The following GREB1 variants were observed in gnomAD, a reference collection of about 807,000 sequenced individuals.
The protein encoded by GREB1 is protein GREB1.
A neutral mutation model predicts 200.7 loss-of-function variants in GREB1; 106 were observed. That is an observed-to-expected ratio of 0.53 (90% CI 0.45 to 0.62). The LOEUF is 0.62. Ranked by LOEUF, GREB1 falls within the 20% of genes least tolerant of loss-of-function variation. The pLI, the probability that GREB1 is intolerant of heterozygous loss-of-function variation, is 0.00. For synonymous variants in GREB1, 1,132 were observed against 1,092.4 expected (o/e 1.04, Z -0.72); for missense variants, 2,243 against 2,556.8 (o/e 0.88, Z 2.65).
At chr2:11,522,232 A>G (rs1673728597) in intron 1 of GREB1, among the ~76,000 whole-genome samples, 1 of 152,132 alleles carries the variant, frequency 6.6e-6, no homozygotes, top group Non-Finnish European at 1.5e-5. Context: ...AGAACAATTA[A>G]ACCCATTTAT....
intron 1 of GREB1, among the ~76,000 whole-genome samples, chr2:11,524,252 G>T (rs1447255503): frequency 1.3e-5 from 2 of 152,222 alleles, no homozygotes; most frequent in Admixed American, 1.3e-4. Context: ...TTGTTCAACA[G>T]TCTGAAGGAG....
At chr2:11,484,565 A>G (rs1672601972) in intron 1 of GREB1, among the ~76,000 whole-genome samples, 1 of 146,088 alleles carries the variant, frequency 6.8e-6, no homozygotes, top group South Asian at 2.2e-4. Context: ...CCTGGGCAAC[A>G]TAGCGAGACT....
chr2:11,598,017 C>T lies in GREB1; in HGVS notation c.2152+39C>T, dbSNP rs780533340. ...TGGGGAGAAGTCACGTGTGGAGAAGCTTTGATCTGCCGAAATCCATGTGTG... is the reference window on the plus strand; with the variant it reads ...TGGGGAGAAGTCACGTGTGGAGAAGTTTTGATCTGCCGAAATCCATGTGTG... On this transcript the variant is annotated intron_variant, in intron 14 of 32. Transcript: ENST00000381486. 151 of 1,469,922 alleles carry T rather than the reference C, an allele frequency of 1.0e-4. 2 individuals carry two copies. In the South Asian group the frequency reaches 1.7e-3, roughly 16 times the overall value. 91.1% of individuals were successfully genotyped at this position (1,469,922 alleles called of 1,614,324 possible).
Position 11,578,424 on chromosome 2 carries a change from G to A in GREB1, c.765G>A (p.Gln255=). 1 of 1,613,792 alleles carries A rather than the reference G, an allele frequency of 6.2e-7. No homozygotes were observed. Among genetic ancestry groups the A allele is most frequent in the Non-Finnish European group, 8.5e-7 (1 of 1,180,014 alleles). ...ACCCCAGCATCCTGATGGGAGCTCAGCAGGCAGGTGAGGTGGTGGAGACAC... is the reference window on the plus strand; with the variant it reads ...ACCCCAGCATCCTGATGGGAGCTCAACAGGCAGGTGAGGTGGTGGAGACAC... The part of the protein sequence containing the change: ...GTNPSILMGA[Q]QAGPASDHPS... The change falls in exon 6 of 33, where the codon CAG becomes CAA. Residue 255 remains glutamine (Q), a synonymous_variant. Coordinates refer to ENST00000381486, the MANE Select transcript of GREB1 (RefSeq NM_014668.4).
At chr2:11,612,385 A>T in intron 18 of GREB1, 110 bp from the exon 19 acceptor site, 1 of 1,452,388 alleles carries the variant, frequency 6.9e-7, no homozygotes, top group Non-Finnish European at 9.2e-7. Flanking sequence ...TGGTCAGAAG[A>T]TATAGTTCAA....
intron 3 of GREB1, among the ~76,000 whole-genome samples, chr2:11,564,019 C>T (rs1409502375): frequency 6.6e-6 from 1 of 152,012 alleles, no homozygotes; most frequent in Non-Finnish European, 1.5e-5. Context: ...AGGATTAGTA[C>T]GAGTCAGCCA....
intron 1 of GREB1, among the ~76,000 whole-genome samples, chr2:11,510,561 T>C (rs939134439): frequency 6.6e-6 from 1 of 152,210 alleles, no homozygotes; most frequent in Non-Finnish European, 1.5e-5. Context: ...ACAGGAAAGG[T>C]GGGAGGAAGG....
chr2:11,612,841 A>T (rs139438871), intron 19 of GREB1, among the ~76,000 whole-genome samples: 98 of 152,302 alleles, frequency 6.4e-4, no homozygotes, highest in Non-Finnish European at 9.9e-4. Flanking sequence ...GCTCGTGGTG[A>T]CGGCTGTTGC....
intron 30 of GREB1, among the ~76,000 whole-genome samples, chr2:11,637,422 C>T (rs1685471637): frequency 6.6e-6 from 1 of 152,224 alleles, no homozygotes; most frequent in South Asian, 2.1e-4. Flanking sequence ...TCCCCCAGAC[C>T]CATGGGTTCT....
At chr2:11,538,847 T>G (rs1049641740) in intron 1 of GREB1, among the ~76,000 whole-genome samples, 1 of 127,516 alleles carries the variant, frequency 7.8e-6, no homozygotes, top group Non-Finnish European at 1.6e-5. Flanking sequence ...CTCCATCCCT[T>G]CCTTCCTTCC....
intron 20 of GREB1, among the ~76,000 whole-genome samples, chr2:11,616,080 G>T (rs192207307): frequency 6.6e-6 from 1 of 152,252 alleles, no homozygotes; most frequent in African/African-American, 2.4e-5. Flanking sequence ...TCTGCTGCAC[G>T]TCTCCGTGCT....
chr2:11,558,657 T>C (rs1302119739), intron 2 of GREB1, among the ~76,000 whole-genome samples: 1 of 152,210 alleles, frequency 6.6e-6, no homozygotes, highest in Non-Finnish European at 1.5e-5. Context: ...TGCTAAATGT[T>C]ACCCTAAACC....
chr2:11,504,450 A>G (rs1673126134), intron 1 of GREB1, among the ~76,000 whole-genome samples: 1 of 152,204 alleles, frequency 6.6e-6, no homozygotes, highest in South Asian at 2.1e-4. Context: ...GATTTTTAGT[A>G]GATTTACAAA....
chr2:11,555,263 A>G (rs979037988), intron 1 of GREB1, among the ~76,000 whole-genome samples: 1 of 152,272 alleles, frequency 6.6e-6, no homozygotes. Context: ...ATACACATTT[A>G]AATGCCTGTT....
intron 7 of GREB1, among the ~76,000 whole-genome samples, chr2:11,582,667 C>G (rs923323222): frequency 1.3e-5 from 2 of 152,232 alleles, no homozygotes; most frequent in African/African-American, 4.8e-5. Flanking sequence ...TCATGTGCAT[C>G]TTGGAGCCGC....
At chr2:11,566,444 C>T in intron 3 of GREB1, 36 bp from the exon 4 acceptor site, 1 of 1,563,124 alleles carries the variant, frequency 6.4e-7, no homozygotes, top group African/African-American at 1.4e-5. Context: ...TCTGGGAAGC[C>T]CTGGGCAGCG....
At chr2:11,599,721 C>T (rs944051555) in intron 15 of GREB1, among the ~76,000 whole-genome samples, 1 of 152,028 alleles carries the variant, frequency 6.6e-6, no homozygotes, top group Non-Finnish European at 1.5e-5. Context: ...AGGGTTTCAC[C>T]GTGTTAGCCA....
rs200022617 is a variant in GREB1, at chr2:11,556,713, C to G, written c.99C>G (p.Pro33=). 1.9e-6 allele frequency: 3 copies of G among 1,614,100 alleles called. No homozygotes were observed. Among genetic ancestry groups the G allele is most frequent in the Non-Finnish European group, 1.7e-6 (2 of 1,179,984 alleles). Residue 33 remains proline, a synonymous_variant, in exon 2 of 33, where the codon CCC becomes CCG. Transcript: ENST00000381486. ...EASLRSNNLV[P]RPIFSQLYLE... is the part of the protein sequence containing the mutation. ...CCCTGCGGTCCAACAACCTGGTGCC[C>G]AGGCCCATCTTTTCCCAGCTGTACC...
intron 1 of GREB1, among the ~76,000 whole-genome samples, chr2:11,483,928 T>G (rs1224309650): frequency 6.6e-6 from 1 of 152,240 alleles, no homozygotes; most frequent in Admixed American, 6.5e-5. Flanking sequence ...CTTCAGGGCT[T>G]GAAAGACTTT....
Sources: allele counts gnomAD v4.1 joint callset (sites outside exome capture counted in the v4.1 genomes callset), GRCh38; gene constraint gnomAD v4.1.1; transcripts MANE v1.5; gene names NCBI Gene and HGNC (gene_info 2026-07-23, HGNC 2026-07-21).